Variants in GLDC observed in about 807,000 individuals in gnomAD.
GLDC encodes glycine decarboxylase.
A neutral mutation model predicts 121.3 loss-of-function variants in GLDC; 104 were observed. The ratio of observed to expected loss-of-function variants is 0.86; its 90% CI spans 0.73 to 1.01. GLDC has a LOEUF of 1.01. Ranked by LOEUF, GLDC falls within the 50% of genes least tolerant of loss-of-function variation. GLDC has a pLI of 0.00. For missense variants in GLDC, 1,429 were observed against 1,306.6 expected (o/e 1.09, Z -1.44); for synonymous variants, 546 against 480.6 (o/e 1.14, Z -1.78).
intron 2 of GLDC, chr9:6,622,975 C>A (rs1587975105): frequency 5.3e-6 from 1 of 190,446 alleles, no homozygotes; most frequent in Admixed American, 6.2e-5. Flanking sequence ...CCGGCAGCCA[C>A]CCCGTCCGGG....
intron 2 of GLDC, among the ~76,000 whole-genome samples, chr9:6,642,843 A>G (rs996808820): frequency 3.7e-4 from 57 of 152,116 alleles, no homozygotes; most frequent in Non-Finnish European, 4.4e-4. Flanking sequence ...TTAAAGATAC[A>G]CAACTCTTCA....
intron 15 of GLDC, among the ~76,000 whole-genome samples, chr9:6,574,478 CAAAGAAAAGAAAAAA>C (rs895914515): frequency 1.9e-4 from 28 of 148,530 alleles, no homozygotes; most frequent in African/African-American, 5.5e-4. Flanking sequence ...AAAAAAAAAA[CAAAGAAAAGAAAAAA>C]AAAGAAAAGA....
At chr9:6,606,771 A>G (rs970076672) in intron 4 of GLDC, 102 bp from the exon 5 acceptor site, 7 of 807,188 alleles carry the variant, frequency 8.7e-6, no homozygotes, top group Non-Finnish European at 1.6e-5. Flanking sequence ...GTCTAAGCAC[A>G]GTATAAAAAA....
At chr9:6,574,487 G>GAA (rs1026128879) in intron 15 of GLDC, among the ~76,000 whole-genome samples, 2 of 148,586 alleles carry the variant, frequency 1.3e-5, no homozygotes, top group Non-Finnish European at 3.0e-5. Flanking sequence ...ACAAAGAAAA[G>GAA]AAAAAAAAAG....
intron 16 of GLDC, among the ~76,000 whole-genome samples, chr9:6,559,497 A>G (rs1279208808): frequency 7.0e-6 from 1 of 143,774 alleles, no homozygotes; most frequent in African/African-American, 2.6e-5. Context: ...CCTGGGCGAC[A>G]AGAGTGAAAC....
At chr9:6,539,851 T>A (rs1817218627) in intron 22 of GLDC, among the ~76,000 whole-genome samples, 200 bp downstream of exon 22, 3 of 152,220 alleles carry the variant, frequency 2.0e-5, no homozygotes, top group Non-Finnish European at 4.4e-5. Context: ...AAGATGCATA[T>A]TTTAATATCT....
At chr9:6,581,204 G>A (rs184971200) in intron 15 of GLDC, among the ~76,000 whole-genome samples, 166 of 152,308 alleles carry the variant, frequency 1.1e-3, no homozygotes, top group African/African-American at 3.8e-3. Flanking sequence ...AGGAGCAGTT[G>A]GTAAATACTC....
intron 15 of GLDC, among the ~76,000 whole-genome samples, chr9:6,586,444 T>A (rs934341508): frequency 6.6e-6 from 1 of 152,186 alleles, no homozygotes; most frequent in African/African-American, 2.4e-5. Flanking sequence ...CTTTTGAAAA[T>A]CACTGTTCTT....
Position 6,589,267 on chromosome 9 carries a change from T to G in GLDC, c.1508A>C (p.Glu503Ala), listed in dbSNP as rs201890453. 2,252 of 1,608,918 alleles carry G rather than the reference T, an allele frequency of 1.4e-3. 55 individuals carry two copies. In the South Asian group the frequency reaches 0.023, roughly 17 times the overall value. ...AGACCCTGGAATACCTCTGCACTCC[T>G]CTCCCATGCTTTCAGCAACCAGTTC... ...SAELVAESMG[E>A]ECRGIPGSVF... is the part of the protein sequence containing the mutation. The change falls in exon 12 of 25, where the codon GAG becomes GCG. Residue 503 changes from glutamate to alanine, a missense_variant. Coordinates refer to ENST00000321612, the MANE Select transcript of GLDC (RefSeq NM_000170.3).
intron 2 of GLDC, among the ~76,000 whole-genome samples, chr9:6,641,789 T>C (rs916568188): frequency 3.9e-5 from 6 of 152,204 alleles, no homozygotes; most frequent in South Asian, 2.1e-4. Flanking sequence ...TCACAATCTT[T>C]ACTCTGCAAT....
intron 2 of GLDC, 50 bp from the exon 3 acceptor site, chr9:6,620,369 G>C (rs200795957): frequency 1.3e-6 from 2 of 1,500,526 alleles, no homozygotes; most frequent in Non-Finnish European, 1.9e-6. Context: ...TCAGAAAAGA[G>C]CTCTAATTAC....
chr9:6,532,995 C>T lies in GLDC; in HGVS notation c.*22G>A, dbSNP rs760437541. ...TCTGGGGAGAGGCATCAAATCAGTC[C>T]TTTAAACTTAGGGACAGAGGACTAA... is the stretch of plus-strand genomic sequence containing the variant. On this transcript the variant is annotated 3_prime_UTR_variant, in exon 25 of 25. Transcript: ENST00000321612. The T allele has an allele frequency of 7.0e-6, 11 of 1,574,356 alleles. No homozygotes were observed. Among genetic ancestry groups the T allele is most frequent in the Non-Finnish European group, 9.6e-6 (11 of 1,145,290 alleles).
chr9:6,559,683 C>G (rs949760541), intron 16 of GLDC, among the ~76,000 whole-genome samples: 1 of 151,232 alleles, frequency 6.6e-6, no homozygotes, highest in South Asian at 2.1e-4. Context: ...GGTGTGGTGA[C>G]GCACGCCTGT....
intron 21 of GLDC, 157 bp from the exon 22 acceptor site, chr9:6,540,303 TA>T: frequency 1.1e-5 from 7 of 662,548 alleles, no homozygotes; most frequent in South Asian, 5.1e-5. Flanking sequence ...TTATTGGCAA[TA>T]AAGGTTTCAT....
At chr9:6,632,030 T>G (rs1016340430) in intron 2 of GLDC, among the ~76,000 whole-genome samples, 4 of 152,298 alleles carry the variant, frequency 2.6e-5, no homozygotes, top group Admixed American at 6.5e-5. Flanking sequence ...ATCATGCCAC[T>G]GCAGTCCAAC....
At chr9:6,609,945 C>T (rs1221878324) in intron 4 of GLDC, among the ~76,000 whole-genome samples, 1 of 152,152 alleles carries the variant, frequency 6.6e-6, no homozygotes, top group Non-Finnish European at 1.5e-5. Flanking sequence ...CCCTCGCCTG[C>T]CAACCTCAGC....
rs559263862 is a variant in GLDC, at chr9:6,545,521, C to T, written c.2569+5282G>A. 3.3e-5 allele frequency among the ~76,000 whole-genome samples: 5 copies of T among 152,246 alleles called. No homozygotes were observed. In the East Asian group the frequency reaches 5.8e-4, roughly 18 times the overall value. On this transcript the variant is annotated intron_variant, in intron 21 of 24. Coordinates refer to ENST00000321612, the MANE Select transcript of GLDC (RefSeq NM_000170.3). ...AGTCAGTGAGTGAGTGGTGAGTGAA[C>T]GGGAAGGTCTAGGACATTCCTGTAT...
At chr9:6,613,940 C>G (rs764306735) in intron 3 of GLDC, among the ~76,000 whole-genome samples, 1 of 152,074 alleles carries the variant, frequency 6.6e-6, no homozygotes, top group African/African-American at 2.4e-5. Context: ...CCACACCCAG[C>G]TAAATTTTGT....
At chr9:6,616,513 ACAG>A (rs1818969321) in intron 3 of GLDC, among the ~76,000 whole-genome samples, 5 of 152,246 alleles carry the variant, frequency 3.3e-5, no homozygotes, top group African/African-American at 1.2e-4. Context: ...CTATTAAAGG[ACAG>A]TGAGCCTTGG....
Sources: gnomAD v4.1 joint callset for allele counts (sites outside exome capture counted in the v4.1 genomes callset) on GRCh38, gnomAD v4.1.1 for gene constraint, MANE v1.5 for transcripts, NCBI Gene and HGNC (gene_info 2026-07-23, HGNC 2026-07-21) for gene names.